Variants in THSD7A observed in about 807,000 individuals in gnomAD.
THSD7A encodes thrombospondin type-1 domain-containing protein 7A.
In THSD7A, 96 loss-of-function variants were observed where a neutral mutation model predicts 231.3. The ratio of observed to expected loss-of-function variants is 0.41; its 90% CI spans 0.35 to 0.49. THSD7A has a LOEUF of 0.49. THSD7A is among the 20% of genes least tolerant of loss of function. THSD7A has a pLI of 0.05. For synonymous variants in THSD7A, 940 were observed against 743.3 expected (o/e 1.26, Z -4.30); for missense variants, 2,290 against 2,070.2 (o/e 1.11, Z -2.06).
At chr7:11,731,484 T>C (rs888226795) in intron 1 of THSD7A, among the ~76,000 whole-genome samples, 1 of 151,694 alleles carries the variant, frequency 6.6e-6, no homozygotes, top group African/African-American at 2.4e-5. Context: ...GTCTCAGAGT[T>C]ACTAATAGAA....
At chr7:11,408,516 A>AG (rs397762740) in intron 19 of THSD7A, among the ~76,000 whole-genome samples, 30 of 151,602 alleles carry the variant, frequency 2.0e-4, no homozygotes, top group Non-Finnish European at 3.4e-4. Context: ...AAAAAAAAAA[A>AG]TGAAAAGAAA....
At chr7:11,780,408 C>T (rs1400371297) in intron 1 of THSD7A, among the ~76,000 whole-genome samples, 1 of 152,134 alleles carries the variant, frequency 6.6e-6, no homozygotes, top group African/African-American at 2.4e-5. Flanking sequence ...TTGCTTTTGC[C>T]TTTCTCTCTC....
chr7:11,630,772 T>A (rs936519460), intron 2 of THSD7A, among the ~76,000 whole-genome samples: 1 of 152,226 alleles, frequency 6.6e-6, no homozygotes, highest in African/African-American at 2.4e-5. Flanking sequence ...AGGCACTACA[T>A]CCATTAAATG....
rs148361681 is a variant in THSD7A, at chr7:11,553,511, T to C, written c.1454-10394A>G. Among the ~76,000 whole-genome samples, 559 of 152,196 alleles carry C rather than the reference T, an allele frequency of 3.7e-3. 7 individuals carry two copies. The highest frequency in any genetic ancestry group is 0.013 in the African/African-American group (532 of 41,540). Reference sequence around the variant, plus strand: ...ATACTGAGATTTCTATTTTCTAGAATGGCCCAGTTCTTACTCTTGTATAAT... The same window carrying C: ...ATACTGAGATTTCTATTTTCTAGAACGGCCCAGTTCTTACTCTTGTATAAT... On this transcript the variant is annotated intron_variant, in intron 4 of 27. Coordinates refer to ENST00000423059, the MANE Select transcript of THSD7A (RefSeq NM_015204.3).
chr7:11,399,692 A>T (rs1020675205), intron 23 of THSD7A, among the ~76,000 whole-genome samples: 3 of 152,162 alleles, frequency 2.0e-5, no homozygotes, highest in African/African-American at 7.2e-5. Flanking sequence ...GAGAAATAGG[A>T]ACACTTTTAC....
At chr7:11,728,949 T>C (rs550508935) in intron 1 of THSD7A, among the ~76,000 whole-genome samples, 1 of 151,946 alleles carries the variant, frequency 6.6e-6, no homozygotes, top group South Asian at 2.1e-4. Flanking sequence ...AAGTAAATAA[T>C]ATTTTGAAGT....
At chr7:11,820,711 G>C (rs1037944961) in intron 1 of THSD7A, 2 of 979,486 alleles carry the variant, frequency 2.0e-6, no homozygotes, top group Non-Finnish European at 1.7e-6. Flanking sequence ...AGCCCGTGGA[G>C]CTCTCCTCTC....
intron 3 of THSD7A, among the ~76,000 whole-genome samples, chr7:11,592,478 T>C (rs6967949): frequency 6.6e-6 from 1 of 151,980 alleles, no homozygotes; most frequent in Non-Finnish European, 1.5e-5. Context: ...ACCAAAATAA[T>C]TCACAATGAT....
chr7:11,725,537 C>A (rs1378171895), intron 1 of THSD7A, among the ~76,000 whole-genome samples: 1 of 151,816 alleles, frequency 6.6e-6, no homozygotes, highest in African/African-American at 2.4e-5. Context: ...GATGAAAAAG[C>A]GAAATGTCAA....
chr7:11,532,867 T>G (rs911866873), intron 6 of THSD7A, among the ~76,000 whole-genome samples: 3 of 152,302 alleles, frequency 2.0e-5, no homozygotes, highest in African/African-American at 7.2e-5. Flanking sequence ...CTATTTCTCA[T>G]CCTTACTTCT....
chr7:11,818,824 G>T (rs887632757), intron 1 of THSD7A, among the ~76,000 whole-genome samples: 1 of 152,072 alleles, frequency 6.6e-6, no homozygotes, highest in Non-Finnish European at 1.5e-5. Flanking sequence ...TCTCAAGAGG[G>T]AACAAAGTGT....
intron 1 of THSD7A, among the ~76,000 whole-genome samples, chr7:11,743,588 T>A (rs1782180291): frequency 6.6e-6 from 1 of 151,914 alleles, no homozygotes; most frequent in Non-Finnish European, 1.5e-5. Context: ...TATATCCTTC[T>A]TGGAAATATT....
In THSD7A at chr7:11,462,020, T is replaced by C. The variant is rs1785523150; in HGVS notation, c.2492A>G (p.Gln831Arg). 6.2e-7 allele frequency: 1 copy of C among 1,613,392 alleles called. No homozygotes were observed. Among genetic ancestry groups the C allele is most frequent in the African/African-American group, 1.3e-5 (1 of 74,918 alleles). ...EKACEAPQAC[Q>R]SYRWKTHKWR... ...ATTTCTCTAACCCTACCTGTAGCTT[T>C]GGCACGCTTGAGGTGCCTCACAGGC... The change falls in exon 10 of 28, where the codon CAA (glutamine) becomes CGA (arginine). Residue 831 changes from glutamine (Q) to arginine (R), a missense_variant. By Grantham distance (43) the Gln-to-Arg change is conservative. Coordinates refer to ENST00000423059, the MANE Select transcript of THSD7A (RefSeq NM_015204.3).
rs1781908078 is a variant in THSD7A at position 11,637,384 on chromosome 7, A to T, written c.191-423T>A. 1.3e-5 allele frequency among the ~76,000 whole-genome samples: 2 copies of T among 152,172 alleles called. No individual in the cohort carries two copies. Among genetic ancestry groups the T allele is most frequent in the African/African-American group, 2.4e-5 (1 of 41,428 alleles). On this transcript the variant is annotated intron_variant, in intron 1 of 27. Coordinates refer to ENST00000423059, the MANE Select transcript of THSD7A (RefSeq NM_015204.3). This position sits in a 1 kb window ranked among gnomAD's most constrained non-coding sequence, Gnocchi z 4.2. ...CGTGTGAAGAACTTCTCCTGCAGGC[A>T]TTTCTCTTCCTGGACAGTTAACTAT...
chr7:11,379,626 A>G lies in THSD7A; in HGVS notation c.4590+4T>C, dbSNP rs1562561364. The G allele has an allele frequency of 6.3e-7, 1 of 1,575,362 alleles. No homozygotes were observed. Among genetic ancestry groups the G allele is most frequent in the South Asian group, 1.2e-5 (1 of 85,704 alleles). On this transcript the variant is annotated splice_donor_region_variant and intron_variant, in intron 25 of 27. Transcript: ENST00000423059. Reference sequence around the variant, plus strand: ...CTTGTCTGCCCTGATGAATTTTCACATACCTCGCTACAGTACGAGTGGGGT... The same window carrying G: ...CTTGTCTGCCCTGATGAATTTTCACGTACCTCGCTACAGTACGAGTGGGGT...
chr7:11,627,865 G>A (rs114754790), intron 2 of THSD7A, among the ~76,000 whole-genome samples: 1,547 of 151,878 alleles, frequency 0.01, 27 homozygotes, highest in African/African-American at 0.035. Flanking sequence ...AAATGTATGC[G>A]CTCCCCTTTA....
At chr7:11,813,856 A>G (rs946946845) in intron 1 of THSD7A, among the ~76,000 whole-genome samples, 4 of 152,106 alleles carry the variant, frequency 2.6e-5, no homozygotes, top group African/African-American at 9.7e-5. Context: ...GAAAATACAT[A>G]TCCACACTAA....
intron 17 of THSD7A, chr7:11,413,916 C>A (rs777645362): frequency 1.3e-5 from 2 of 152,302 alleles, no homozygotes; most frequent in Non-Finnish European, 2.9e-5. Flanking sequence ...CTGCCCCAAC[C>A]AATCAGCAGC....
intron 11 of THSD7A, among the ~76,000 whole-genome samples, chr7:11,450,375 A>G (rs1785105673): frequency 6.6e-6 from 1 of 151,858 alleles, no homozygotes; most frequent in South Asian, 2.1e-4. Flanking sequence ...TGCACTTTAC[A>G]CCTCTTATCT....
Sources: allele counts gnomAD v4.1 joint callset (sites outside exome capture counted in the v4.1 genomes callset), GRCh38; gene constraint gnomAD v4.1.1; non-coding constraint Gnocchi (gnomAD v3.1); transcripts MANE v1.5; gene names NCBI Gene and HGNC (gene_info 2026-07-23, HGNC 2026-07-21).